Variants in PDE3B observed in about 807,000 individuals in gnomAD.
The protein encoded by PDE3B is phosphodiesterase 3B.
Under a neutral mutation model 116.8 loss-of-function variants are expected in PDE3B, and 66 were observed. The observed-to-expected ratio is 0.56, with a 90% confidence interval of 0.46 to 0.69. PDE3B has a LOEUF of 0.69. Among genes scored for constraint, PDE3B ranks in the 30% least tolerant of loss-of-function variants. PDE3B has a pLI of 0.00. For synonymous variants in PDE3B, 595 were observed against 533.6 expected (o/e 1.12, Z -1.59); for missense variants, 1,384 against 1,368.1 (o/e 1.01, Z -0.18).
At chr11:14,692,430 A>G (rs1159922358) in intron 1 of PDE3B, among the ~76,000 whole-genome samples, 7 of 152,154 alleles carry the variant, frequency 4.6e-5, no homozygotes, top group Non-Finnish European at 1.0e-4. Context: ...TGTTTCGCAG[A>G]TACTGTGTTT....
At chr11:14,684,347 A>T (rs1854802219) in intron 1 of PDE3B, among the ~76,000 whole-genome samples, 1 of 152,192 alleles carries the variant, frequency 6.6e-6, no homozygotes, top group Admixed American at 6.5e-5. Context: ...TGAGCCTTAA[A>T]GCCAGCAGGT....
chr11:14,792,323 C>G (rs1250227218), intron 4 of PDE3B, among the ~76,000 whole-genome samples: 3 of 151,966 alleles, frequency 2.0e-5, no homozygotes, highest in Non-Finnish European at 4.4e-5. Flanking sequence ...TAATTTTGTT[C>G]TTGGTTTAAC....
the PDE3B span, among the ~76,000 whole-genome samples, chr11:14,883,790 C>A: frequency 5.3e-3 from 803 of 152,236 alleles, 7 homozygotes; most frequent in South Asian, 0.015. Context: ...ACTCATCTGA[C>A]AAAGGGCTAA....
the PDE3B span, chr11:14,892,099 G>A: frequency 1.1e-3 from 1,798 of 1,611,658 alleles, no homozygotes; most frequent in Non-Finnish European, 1.4e-3. Context: ...GAAGCCCATC[G>A]GCCGCCTCTG....
At chr11:14,675,639 C>A (rs968952942) in intron 1 of PDE3B, among the ~76,000 whole-genome samples, 4 of 152,070 alleles carry the variant, frequency 2.6e-5, no homozygotes, top group African/African-American at 9.7e-5. Flanking sequence ...TGTTGAGCAT[C>A]TTTCACTTCA....
In PDE3B at chr11:14,796,803, A is replaced by G. The variant is rs191288488; in HGVS notation, c.1416-7141A>G. ...GGATAGAGTGTAAAAATTTTCTCCT[A>G]TTCTGTAGGTTGCCTGTTCACTCTG... On this transcript the variant is annotated intron_variant, in intron 4 of 15. Transcript: ENST00000282096. Among the ~76,000 whole-genome samples, 38 of 152,194 alleles carry G rather than the reference A, an allele frequency of 2.5e-4. No homozygotes were observed. The East Asian group carries it at 6.2e-3, about 25-fold the overall frequency.
intron 1 of PDE3B, among the ~76,000 whole-genome samples, chr11:14,654,101 C>T (rs959921398): frequency 2.0e-5 from 3 of 150,932 alleles, no homozygotes; most frequent in Non-Finnish European, 3.0e-5. Context: ...AATTGAAGTT[C>T]GAAAAGGGGA....
At chr11:14,886,095 A>G in the PDE3B span, 5 of 632,910 alleles carry the variant, frequency 7.9e-6, no homozygotes, top group Non-Finnish European at 1.4e-5. Context: ...GGCATGCAAA[A>G]CTGTGTGATT....
chr11:14,753,499 A>G (rs951428653), intron 1 of PDE3B, among the ~76,000 whole-genome samples: 4 of 152,124 alleles, frequency 2.6e-5, no homozygotes, highest in African/African-American at 9.7e-5. Flanking sequence ...TCAGATGCCA[A>G]TTCTGATTTC....
At chr11:14,850,272 G>C (rs2048921443) in intron 12 of PDE3B, among the ~76,000 whole-genome samples, 1 of 152,002 alleles carries the variant, frequency 6.6e-6, no homozygotes, top group Non-Finnish European at 1.5e-5. Context: ...CTCAGTCATA[G>C]GTAGGAATTG....
At chr11:14,827,970 T>C (rs929315660) in intron 7 of PDE3B, among the ~76,000 whole-genome samples, 2 of 152,074 alleles carry the variant, frequency 1.3e-5, no homozygotes, top group African/African-American at 4.8e-5. Context: ...AACAGACACA[T>C]AGACCAATGG....
chr11:14,665,276 T>A (rs1590043906), intron 1 of PDE3B, among the ~76,000 whole-genome samples: 1 of 152,126 alleles, frequency 6.6e-6, no homozygotes, highest in South Asian at 2.1e-4. Flanking sequence ...CTCAAAATAA[T>A]AAGAGCTATC....
intron 1 of PDE3B, among the ~76,000 whole-genome samples, chr11:14,648,639 T>G (rs549771911): frequency 6.6e-6 from 1 of 152,280 alleles, no homozygotes; most frequent in Admixed American, 6.5e-5. Context: ...AAACACAGAT[T>G]TGATAGAGTC....
intron 1 of PDE3B, among the ~76,000 whole-genome samples, chr11:14,729,242 T>G (rs2133852105): frequency 6.6e-6 from 1 of 152,346 alleles, no homozygotes; most frequent in African/African-American, 2.4e-5. Context: ...AGCTCAGTTG[T>G]TTTAGGAATT....
intron 1 of PDE3B, among the ~76,000 whole-genome samples, chr11:14,716,277 G>A (rs1173451534): frequency 1.2e-4 from 19 of 152,298 alleles, no homozygotes; most frequent in African/African-American, 4.1e-4. Flanking sequence ...CTACGCCCAC[G>A]GAATCTCGCT....
chr11:14,892,071 C>A, the PDE3B span: 3 of 1,611,790 alleles, frequency 1.9e-6, no homozygotes, highest in Non-Finnish European at 2.5e-6. Context: ...TAAATGGCAG[C>A]CCCGGCGGCC....
chr11:14,753,175 T>G (rs1857101338), intron 1 of PDE3B, among the ~76,000 whole-genome samples: 1 of 152,134 alleles, frequency 6.6e-6, no homozygotes, highest in South Asian at 2.1e-4. Context: ...GAGGGAGAGA[T>G]ATAAAAGTTT....
rs770178272 is a variant in PDE3B at position 14,830,699 on chromosome 11, T to C, written c.1809T>C (p.Gly603=). Residue 603 remains glycine (G), a splice_region_variant and synonymous_variant, in exon 8 of 16, where the codon GGT becomes GGC. Coordinates refer to ENST00000282096, the MANE Select transcript of PDE3B (RefSeq NM_000922.4). ...DGTDCCSGKS[G]EEENIFSKES... is the part of the protein sequence containing the mutation. The stretch of plus-strand genomic sequence containing the variant: ...ATTACTATATATATTTTTTGAAAGG[T>C]GAAGAAGAAAACATTTTCTCGAAAG... The C allele has an allele frequency of 1.4e-6, 2 of 1,438,666 alleles. No homozygotes were observed. Among genetic ancestry groups the C allele is most frequent in the South Asian group, 1.5e-5 (1 of 67,176 alleles). 89.1% of individuals were successfully genotyped at this position (1,438,666 alleles called of 1,614,324 possible). A position where few individuals can be genotyped will look rare whatever the true frequency, so the allele number is the denominator to read the frequency against.
At chr11:14,682,940 ATT>A (rs113529850) in intron 1 of PDE3B, among the ~76,000 whole-genome samples, 3 of 141,094 alleles carry the variant, frequency 2.1e-5, no homozygotes, top group Non-Finnish European at 3.1e-5. Flanking sequence ...CATAGTATTG[ATT>A]TTTTTTTTTT....
Sources: allele counts gnomAD v4.1 joint callset (sites outside exome capture counted in the v4.1 genomes callset), GRCh38; gene constraint gnomAD v4.1.1; transcripts MANE v1.5; gene names NCBI Gene and HGNC (gene_info 2026-07-23, HGNC 2026-07-21).